Variants in CDH13 observed in about 807,000 individuals in gnomAD.
CDH13 encodes the protein cadherin-13.
A neutral mutation model predicts 63.8 loss-of-function variants in CDH13; 24 were observed. That is an observed-to-expected ratio of 0.38 (90% CI 0.27 to 0.53). CDH13 has a LOEUF of 0.53. CDH13 is among the 20% of genes least tolerant of loss of function. CDH13 has a pLI of 0.85. For missense variants in CDH13, 1,049 were observed against 903.1 expected, an observed-to-expected ratio of 1.16 and a Z score of -2.07; for synonymous variants, 503 against 355.3, an observed-to-expected ratio of 1.42 and a Z score of -4.67.
chr16:83,505,910 A>C (rs572447413), intron 7 of CDH13, among the ~76,000 whole-genome samples: 1 of 152,296 alleles, frequency 6.6e-6, no homozygotes, highest in East Asian at 1.9e-4. Flanking sequence ...ACGCATCAGC[A>C]TGTTCCTTCC....
intron 10 of CDH13, among the ~76,000 whole-genome samples, chr16:83,686,793 T>C (rs1283036632): frequency 6.6e-6 from 1 of 152,156 alleles, no homozygotes; most frequent in African/African-American, 2.4e-5. Flanking sequence ...GGCTCAAATG[T>C]CTGGAAACAG....
At chr16:83,399,603 C>A (rs139877589) in intron 6 of CDH13, among the ~76,000 whole-genome samples, 1 of 152,106 alleles carries the variant, frequency 6.6e-6, no homozygotes, top group East Asian at 1.9e-4. Context: ...AGGACTCACT[C>A]GTAACCAGTA....
At chr16:83,566,964 C>G (rs1028413279) in intron 7 of CDH13, among the ~76,000 whole-genome samples, 7 of 152,190 alleles carry the variant, frequency 4.6e-5, no homozygotes, top group South Asian at 4.1e-4. Flanking sequence ...TCTACTTCCT[C>G]ACGTTCCCTC....
At chr16:83,635,027 C>G (rs1162032486) in intron 8 of CDH13, among the ~76,000 whole-genome samples, 1 of 152,192 alleles carries the variant, frequency 6.6e-6, no homozygotes, top group Non-Finnish European at 1.5e-5. Context: ...CCATTTTCAT[C>G]CTTATCAGCA....
At chr16:82,778,120 C>CA (rs2035583185) in intron 1 of CDH13, among the ~76,000 whole-genome samples, 1 of 152,164 alleles carries the variant, frequency 6.6e-6, no homozygotes. Flanking sequence ...CACTGGGAGC[C>CA]AGCCACTGCC....
chr16:83,152,783 A>C (rs761581596), intron 4 of CDH13, among the ~76,000 whole-genome samples: 2 of 152,214 alleles, frequency 1.3e-5, no homozygotes, highest in Non-Finnish European at 2.9e-5. Context: ...TTTCCTTGGA[A>C]ATAGGGTTGT....
At chr16:83,092,379 G>A (rs2033959436) in intron 3 of CDH13, among the ~76,000 whole-genome samples, 1 of 152,160 alleles carries the variant, frequency 6.6e-6, no homozygotes, top group African/African-American at 2.4e-5. Flanking sequence ...TGGGCTCCTT[G>A]TAGTGATGGA....
At chr16:83,529,629 A>G (rs1007745975) in intron 7 of CDH13, among the ~76,000 whole-genome samples, 1 of 152,190 alleles carries the variant, frequency 6.6e-6, no homozygotes, top group Non-Finnish European at 1.5e-5. Context: ...TTCTGTAAGG[A>G]TAGTAAAAGA....
chr16:83,378,906 G>A (rs1313954270), intron 6 of CDH13, among the ~76,000 whole-genome samples: 1 of 151,958 alleles, frequency 6.6e-6, no homozygotes, highest in African/African-American at 2.4e-5. Flanking sequence ...TAAACTTGTG[G>A]TCCACCAGAA....
At chr16:83,608,176 T>C (rs1303262462) in intron 8 of CDH13, among the ~76,000 whole-genome samples, 1 of 152,242 alleles carries the variant, frequency 6.6e-6, no homozygotes, top group Non-Finnish European at 1.5e-5. Flanking sequence ...ATGAGTTCTT[T>C]CTAAGGTAAA....
At chr16:83,569,063 C>A (rs773040353) in intron 7 of CDH13, among the ~76,000 whole-genome samples, 3 of 152,060 alleles carry the variant, frequency 2.0e-5, no homozygotes, top group Non-Finnish European at 2.9e-5. Context: ...TGTCTGGCCT[C>A]CTCTCCTTTC....
intron 3 of CDH13, among the ~76,000 whole-genome samples, chr16:83,065,349 G>T (rs2031917222): frequency 6.6e-6 from 1 of 152,146 alleles, no homozygotes; most frequent in African/African-American, 2.4e-5. Flanking sequence ...CTGGTACAAA[G>T]ATGGGTAAGA....
intron 7 of CDH13, among the ~76,000 whole-genome samples, chr16:83,592,279 C>A (rs1309216173): frequency 1.3e-5 from 2 of 152,208 alleles, no homozygotes; most frequent in African/African-American, 4.8e-5. Context: ...TTCATGTAAA[C>A]CTTAATTGGT....
At chr16:83,590,440 T>A (rs988325345) in intron 7 of CDH13, among the ~76,000 whole-genome samples, 1 of 152,012 alleles carries the variant, frequency 6.6e-6, no homozygotes, top group African/African-American at 2.4e-5. Flanking sequence ...CTGGAGATGA[T>A]CCCTCCGGGA....
chr16:83,545,581 T>C (rs1314308453), intron 7 of CDH13, among the ~76,000 whole-genome samples: 1 of 152,194 alleles, frequency 6.6e-6, no homozygotes, highest in African/African-American at 2.4e-5. Flanking sequence ...TTGCCTATTT[T>C]GTTGCAGTGA....
At chr16:82,968,945 C>A (rs1003766154) in intron 2 of CDH13, among the ~76,000 whole-genome samples, 2 of 152,010 alleles carry the variant, frequency 1.3e-5, no homozygotes, top group African/African-American at 2.4e-5. Context: ...CATGGAAAAA[C>A]CCCATCTCTA....
intron 2 of CDH13, among the ~76,000 whole-genome samples, chr16:82,965,649 G>T (rs72790186): frequency 6.6e-6 from 1 of 151,862 alleles, no homozygotes; most frequent in Non-Finnish European, 1.5e-5. Context: ...TCCTGCCATG[G>T]CCAGTATTAT....
At chr16:83,142,266 T>G (rs559577333) in intron 4 of CDH13, among the ~76,000 whole-genome samples, 1 of 149,056 alleles carries the variant, frequency 6.7e-6, no homozygotes, top group Admixed American at 6.8e-5. Context: ...GTTCCAGCCA[T>G]TCTCCTGTCT....
Position 82,689,309 on chromosome 16 carries a change from C to G in CDH13, c.45+62172C>G, listed in dbSNP as rs546305234. Among the ~76,000 whole-genome samples the G allele has an allele frequency of 6.6e-5, 10 of 152,176 alleles. No homozygotes were observed. In the South Asian group the frequency reaches 1.9e-3, roughly 28 times the overall value. On this transcript the variant is annotated intron_variant, in intron 1 of 13. Transcript: ENST00000567109. ...CTTTCTCAGCAGGTATGAATCACTG[C>G]TATTAAAAATGTATTCCGTAGGTAA...
Sources: gnomAD v4.1 joint callset for allele counts (sites outside exome capture counted in the v4.1 genomes callset) on GRCh38, gnomAD v4.1.1 for gene constraint, MANE v1.5 for transcripts, NCBI Gene and HGNC (gene_info 2026-07-23, HGNC 2026-07-21) for gene names.